CCNJL: variants seen among roughly 807,000 people sequenced by gnomAD.
The protein encoded by CCNJL is cyclin J like.
In CCNJL, 33 loss-of-function variants were observed where a neutral mutation model predicts 33.4. The observed-to-expected ratio is 0.99, with a 90% CI of 0.75 to 1.32. The LOEUF (loss-of-function observed/expected upper bound fraction) is 1.32, where lower values mean the gene tolerates loss of function less well. CCNJL is among the 40% of genes most tolerant of loss of function. The pLI, the probability that CCNJL is intolerant of heterozygous loss-of-function variation, is 0.00. For missense variants in CCNJL, 512 were observed against 499.7 expected (o/e 1.02, Z -0.23); for synonymous variants, 227 against 220.9 (o/e 1.03, Z -0.24).
In CCNJL at chr5:160,253,115, C is replaced by G. The variant is rs1760879713; in HGVS notation, c.*263G>C. 4 of 383,234 alleles carry G rather than the reference C, an allele frequency of 1.0e-5. No individual in the cohort carries two copies. Among genetic ancestry groups the G allele is most frequent in the Non-Finnish European group, 1.9e-5 (4 of 214,746 alleles). The allele number at this position is 383,234 out of a possible 1,614,324, so 23.7% of individuals were successfully genotyped here. ...AAGTCTTTCTCGATTCACTGGGCCC[C>G]TGTGTGGGGGGACGGCCACCAAGCC... On this transcript the variant is annotated 3_prime_UTR_variant, in exon 6 of 6. Transcript: ENST00000257536.
upstream of CCNJL, chr5:160,312,609 G>A (rs1763312880): frequency 6.6e-6 from 1 of 151,556 alleles, no homozygotes; most frequent in Admixed American, 6.6e-5. Context: ...TTGGGGGCCG[G>A]GCCTCGCGCA....
intron 3 of CCNJL, among the ~76,000 whole-genome samples, chr5:160,264,431 G>A (rs1761486943): frequency 6.6e-6 from 1 of 152,006 alleles, no homozygotes; most frequent in Non-Finnish European, 1.5e-5. Context: ...CAGAGCTCCT[G>A]GGCAATTCGT....
At chr5:160,312,898 C>T (rs1405694350), upstream of CCNJL, 1 of 152,090 alleles carries the variant, frequency 6.6e-6, no homozygotes, top group Non-Finnish European at 1.5e-5. Context: ...TCTAGCCATC[C>T]TTACGTCGGT....
At chr5:160,262,907 C>T (rs1761407429) in intron 3 of CCNJL, among the ~76,000 whole-genome samples, 2 of 152,242 alleles carry the variant, frequency 1.3e-5, no homozygotes, top group South Asian at 4.1e-4. Flanking sequence ...GCTGCTTCCT[C>T]CTTATCGACA....
At chr5:160,301,411 T>C (rs1762916745) in intron 2 of CCNJL, among the ~76,000 whole-genome samples, 1 of 151,570 alleles carries the variant, frequency 6.6e-6, no homozygotes, top group Admixed American at 6.6e-5. Flanking sequence ...TGAGGAACTT[T>C]CTAGGTTGAT....
chr5:160,317,039 G>A (rs943269183), upstream of CCNJL, among the ~76,000 whole-genome samples: 2 of 152,186 alleles, frequency 1.3e-5, no homozygotes, highest in Non-Finnish European at 2.9e-5. Context: ...CTCCATTCAG[G>A]ACCAAAAGCA....
rs1412400225 is a variant in CCNJL at position 160,253,370 on chromosome 5, G to C, written c.*8C>G. 2 of 1,566,960 alleles carry C rather than the reference G, an allele frequency of 1.3e-6. No individual in the cohort carries two copies. The highest frequency in any genetic ancestry group is 1.7e-6 in the Non-Finnish European group (2 of 1,153,004). ...CTCCAAGGCTTCCTCGTGAGGTCTG[G>C]AGGTGGCCTATCTGTCAAAGCAGCC... On this transcript the variant is annotated 3_prime_UTR_variant, in exon 6 of 6. Transcript: ENST00000257536.
chr5:160,312,634 C>A (rs1271317991), upstream of CCNJL: 2 of 151,646 alleles, frequency 1.3e-5, no homozygotes, highest in African/African-American at 4.8e-5. Flanking sequence ...CTGCCGGCGC[C>A]CCCGCGCCCC....
chr5:160,253,908 G>T, intron 5 of CCNJL, 110 bp from the exon 6 acceptor site: 1 of 794,012 alleles, frequency 1.3e-6, no homozygotes, highest in Non-Finnish European at 1.9e-6. Context: ...TGTGTCCTGT[G>T]TCCACCAGGC....
intron 2 of CCNJL, among the ~76,000 whole-genome samples, chr5:160,291,500 T>C (rs1762584141): frequency 6.6e-6 from 1 of 152,230 alleles, no homozygotes; most frequent in Non-Finnish European, 1.5e-5. Flanking sequence ...ACACTCCTCC[T>C]GCCCTCCTCC....
chr5:160,282,988 T>TATATATATATATATATATAC (rs1762279877), intron 2 of CCNJL, among the ~76,000 whole-genome samples: 1 of 60,238 alleles, frequency 1.7e-5, no homozygotes, highest in Non-Finnish European at 3.1e-5. Context: ...TATATATATA[T>TATATATATATATATATATAC]ATATATATAT....
chr5:160,305,233 C>T (rs1581008105), intron 2 of CCNJL, among the ~76,000 whole-genome samples: 1 of 152,124 alleles, frequency 6.6e-6, no homozygotes, highest in Admixed American at 6.6e-5. Flanking sequence ...AAAGGACGTG[C>T]AAGCTTCAGG....
intron 4 of CCNJL, 32 bp downstream of exon 4, chr5:160,259,437 G>A (rs747506163): frequency 1.3e-6 from 2 of 1,581,610 alleles, no homozygotes; most frequent in African/African-American, 2.7e-5. Context: ...GGGAAGGGGT[G>A]GGAGGTCCTG....
chr5:160,306,108 T>G (rs1763088066), intron 2 of CCNJL, among the ~76,000 whole-genome samples: 1 of 151,976 alleles, frequency 6.6e-6, no homozygotes, highest in African/African-American at 2.4e-5. Flanking sequence ...ACCCCGCCTC[T>G]ACTAAAAATA....
intron 2 of CCNJL, among the ~76,000 whole-genome samples, chr5:160,287,275 T>G (rs77817285): frequency 0.012 from 1,877 of 152,336 alleles, 38 homozygotes; most frequent in African/African-American, 0.043. Flanking sequence ...AGAAGTTGAA[T>G]TGATCTATCT....
intron 3 of CCNJL, among the ~76,000 whole-genome samples, chr5:160,277,207 C>A (rs1379379138): frequency 6.6e-6 from 1 of 152,072 alleles, no homozygotes; most frequent in Non-Finnish European, 1.5e-5. Flanking sequence ...ATAAAAAGGG[C>A]GGGTGACAGC....
intron 3 of CCNJL, among the ~76,000 whole-genome samples, chr5:160,279,133 T>C (rs1762120626): frequency 6.6e-6 from 1 of 152,020 alleles, no homozygotes; most frequent in South Asian, 2.1e-4. Flanking sequence ...ATCGTGCCCA[T>C]GGGGTTTATG....
In CCNJL at chr5:160,302,627, C is replaced by T. The variant is rs146392198; in HGVS notation, c.66+9231G>A. ...AGGAGTTTGAGACCAGCCTGGCCAA[C>T]GTGATGAAACCCCATCTCTACTAAA... is the stretch of plus-strand genomic sequence containing the variant. On this transcript the variant is annotated intron_variant, in intron 2 of 5. Transcript: ENST00000257536. 7.6e-3 allele frequency among the ~76,000 whole-genome samples: 1,149 copies of T among 152,150 alleles called. 16 individuals carry two copies. The highest frequency in any genetic ancestry group is 0.026 in the African/African-American group (1,088 of 41,508).
chr5:160,266,067 T>G (rs1237856441), intron 3 of CCNJL, among the ~76,000 whole-genome samples: 1 of 152,172 alleles, frequency 6.6e-6, no homozygotes, highest in Non-Finnish European at 1.5e-5. Context: ...GTGCTGATGA[T>G]AAAGGAAAGA....
Sources: gnomAD v4.1 joint callset for allele counts (sites outside exome capture counted in the v4.1 genomes callset) on GRCh38, gnomAD v4.1.1 for gene constraint, MANE v1.5 for transcripts, NCBI Gene and HGNC (gene_info 2026-07-23, HGNC 2026-07-21) for gene names.